Variants in AP3M1 observed in about 807,000 individuals in gnomAD.
AP3M1 encodes the protein AP-3 complex subunit mu-1.
Under a neutral mutation model 42.6 loss-of-function variants are expected in AP3M1, and 29 were observed. The ratio of observed to expected loss-of-function variants is 0.68; its 90% CI spans 0.51 to 0.93. AP3M1 has a LOEUF of 0.93. AP3M1 is among the 40% of genes least tolerant of loss of function. The pLI, the probability that AP3M1 is intolerant of heterozygous loss-of-function variation, is 0.00. For missense variants in AP3M1, 416 were observed against 510.2 expected (o/e 0.82, Z 1.78); for synonymous variants, 178 against 175.3 (o/e 1.02, Z -0.12).
chr10:74,129,300 C>A, intron 5 of AP3M1, 59 bp from the exon 6 acceptor site: 1 of 1,557,152 alleles, frequency 6.4e-7, no homozygotes, highest in Non-Finnish European at 8.7e-7. Context: ...GAACTGTACT[C>A]AGATACCTTG....
intron 2 of AP3M1, 105 bp from the exon 3 acceptor site, chr10:74,136,908 T>G (rs1262097221): frequency 4.1e-6 from 3 of 728,818 alleles, no homozygotes; most frequent in African/African-American, 3.6e-5. Context: ...AATTCATTGC[T>G]TAAGCTGCTG....
At chr10:74,124,710 C>G (rs1193597900) in intron 7 of AP3M1, among the ~76,000 whole-genome samples, 186 bp from the exon 8 acceptor site, 1 of 152,148 alleles carries the variant, frequency 6.6e-6, no homozygotes, top group African/African-American at 2.4e-5. Context: ...GGAGTGAGAG[C>G]AGAGAATCTA....
chr10:74,132,032 C>CT (rs1009253219), intron 4 of AP3M1, among the ~76,000 whole-genome samples: 1 of 151,604 alleles, frequency 6.6e-6, no homozygotes, highest in African/African-American at 2.4e-5. Context: ...GATTTTTTTT[C>CT]TTTTTTCTTT....
chr10:74,124,747 T>C (rs2131957245), intron 7 of AP3M1, among the ~76,000 whole-genome samples: 1 of 152,292 alleles, frequency 6.6e-6, no homozygotes, highest in African/African-American at 2.4e-5. Flanking sequence ...TCTTTTGTAT[T>C]AGCACCGTGC....
intron 1 of AP3M1, among the ~76,000 whole-genome samples, chr10:74,144,544 C>T (rs1371978802): frequency 3.3e-5 from 5 of 152,192 alleles, no homozygotes; most frequent in Admixed American, 1.3e-4. Flanking sequence ...TCTGGGATTA[C>T]AGGTGTGAGC....
At chr10:74,133,969 A>G in intron 4 of AP3M1, 58 bp downstream of exon 4, 6 of 1,596,722 alleles carry the variant, frequency 3.8e-6, no homozygotes, top group Non-Finnish European at 5.1e-6. Context: ...TCAGTTTTCT[A>G]TTCATCTGTG....
chr10:74,139,445 C>G (rs1332319742), intron 1 of AP3M1, among the ~76,000 whole-genome samples: 2 of 91,448 alleles, frequency 2.2e-5, no homozygotes, highest in African/African-American at 7.5e-5. Flanking sequence ...GAGACCTCAT[C>G]TCTATTAAAA....
At chr10:74,133,085 T>C (rs1344807957) in intron 4 of AP3M1, among the ~76,000 whole-genome samples, 1 of 152,008 alleles carries the variant, frequency 6.6e-6, no homozygotes, top group Non-Finnish European at 1.5e-5. Context: ...AAACCCCGTC[T>C]CTACTAAAAA....
chr10:74,146,201 C>T (rs1035371760), intron 1 of AP3M1, among the ~76,000 whole-genome samples: 2 of 151,978 alleles, frequency 1.3e-5, no homozygotes, highest in Non-Finnish European at 2.9e-5. Context: ...ATAAATTTAG[C>T]AAATATGGAA....
chr10:74,134,883 T>C (rs573809713), intron 3 of AP3M1, among the ~76,000 whole-genome samples: 11 of 152,354 alleles, frequency 7.2e-5, no homozygotes, highest in African/African-American at 2.6e-4. Context: ...ACAAAATATA[T>C]CTACCATTAA....
chr10:74,138,511 C>A, intron 1 of AP3M1, 129 bp from the exon 2 acceptor site: 9 of 619,118 alleles, frequency 1.5e-5, no homozygotes, highest in Non-Finnish European at 1.7e-5. Flanking sequence ...ATACAAAAAT[C>A]AATCAACATG....
At chr10:74,135,505 A>T (rs1325587876) in intron 3 of AP3M1, among the ~76,000 whole-genome samples, 2 of 152,212 alleles carry the variant, frequency 1.3e-5, no homozygotes, top group African/African-American at 4.8e-5. Context: ...TATAAAATAC[A>T]TGTTTATTTT....
At chr10:74,124,241 GC>G in intron 8 of AP3M1, 138 bp downstream of exon 8, 1 of 1,034,400 alleles carries the variant, frequency 9.7e-7, no homozygotes, top group Non-Finnish European at 1.4e-6. Context: ...CTGTGAGACT[GC>G]CCCACCAAGC....
chr10:74,132,908 C>G (rs888364308), intron 4 of AP3M1, among the ~76,000 whole-genome samples: 2 of 152,154 alleles, frequency 1.3e-5, no homozygotes, highest in African/African-American at 4.8e-5. Context: ...ACATGTTTGG[C>G]AGACCTCAAC....
intron 4 of AP3M1, among the ~76,000 whole-genome samples, chr10:74,130,834 G>A (rs1564546412): frequency 1.3e-5 from 2 of 152,146 alleles, no homozygotes; most frequent in Non-Finnish European, 2.9e-5. Flanking sequence ...CATTTGGCAG[G>A]ACGCAGTGGC....
chr10:74,135,621 ATTTT>A (rs1591753283), intron 3 of AP3M1, among the ~76,000 whole-genome samples: 1 of 152,020 alleles, frequency 6.6e-6, no homozygotes, highest in Admixed American at 6.6e-5. Context: ...TATAAGAATA[ATTTT>A]TTTCAGTTTT....
chr10:74,145,978 A>G (rs1841313487), intron 1 of AP3M1, among the ~76,000 whole-genome samples: 2 of 152,226 alleles, frequency 1.3e-5, no homozygotes, highest in South Asian at 4.1e-4. Flanking sequence ...CAATATCTTG[A>G]CCACATATTC....
At chr10:74,149,854 A>C (rs1027496920) in intron 1 of AP3M1, among the ~76,000 whole-genome samples, 2 of 152,106 alleles carry the variant, frequency 1.3e-5, no homozygotes, top group Non-Finnish European at 2.9e-5. Context: ...ATCTTGCTTC[A>C]TGCCCCAAAT....
intron 1 of AP3M1, among the ~76,000 whole-genome samples, chr10:74,148,933 C>T (rs568096807): frequency 3.3e-5 from 5 of 150,258 alleles, no homozygotes; most frequent in African/African-American, 1.2e-4. Flanking sequence ...AGTGCAGTGG[C>T]GCAATCTCAG....
Sources: allele counts gnomAD v4.1 joint callset (sites outside exome capture counted in the v4.1 genomes callset), GRCh38; gene constraint gnomAD v4.1.1; transcripts MANE v1.5; gene names NCBI Gene and HGNC (gene_info 2026-07-23, HGNC 2026-07-21).